Variants in XAGE2 observed in about 807,000 individuals in gnomAD.
XAGE2 encodes the protein X antigen family member 2, also known as G antigen family D member 3.
A neutral mutation model predicts 9.9 loss-of-function variants in XAGE2; 7 were observed. That is an observed-to-expected ratio of 0.71 (90% confidence interval 0.40 to 1.32). XAGE2 has a LOEUF of 1.32. Ranked by LOEUF, XAGE2 falls within the 40% of genes most tolerant of loss-of-function variation. The pLI is 0.01. For synonymous variants in XAGE2, 31 were observed against 26.8 expected (o/e 1.16, Z -0.48); for missense variants, 85 against 81.0 (o/e 1.05, Z -0.19).
chrX:52,372,429 T>C lies in XAGE2; in HGVS notation c.188-115T>C, dbSNP rs1390882195. The C allele has an allele frequency of 2.5e-5, 24 of 959,836 alleles. No homozygotes were observed. The Admixed American group carries it at 5.8e-4, about 23-fold the overall frequency. 79.1% of individuals were successfully genotyped at this position (959,836 alleles called of 1,213,427 possible). A position where few individuals can be genotyped will look rare whatever the true frequency, so the allele number is the denominator to read the frequency against. ...TGTGACAGCTTTGCATCACATTTAT[T>C]ATCACACTAGCCTACAGGCTTTTAT... On this transcript the variant is annotated intron_variant, in intron 3 of 4. Transcript: ENST00000286049.
At chrX:52,369,508 G>A (rs1341083347) in intron 1 of XAGE2, among the ~76,000 whole-genome samples, 1 of 110,471 alleles carries the variant, frequency 9.1e-6, no homozygotes, top group Non-Finnish European at 1.9e-5. Flanking sequence ...TGGTGACCGC[G>A]ACCCCGAGGT....
intron 3 of XAGE2, among the ~76,000 whole-genome samples, chrX:52,371,347 A>T (rs1351391275): frequency 8.9e-6 from 1 of 112,243 alleles, no homozygotes; most frequent in Non-Finnish European, 1.9e-5. Flanking sequence ...CAGGATAGCA[A>T]ATCCGGAAAA....
In XAGE2 at chrX:52,370,139, CT is replaced by C; in HGVS notation, c.81+48del. 7 of 1,160,480 alleles carry C rather than the reference CT, an allele frequency of 6.0e-6. No individual in the cohort carries two copies. The South Asian group carries it at 1.1e-4, about 18-fold the overall frequency. ...TGATGTTTTTTATTAGCAGAAATTTCTTTTGTGATAGTGTTGTTGAACTAGT... is the reference window on the plus strand; with the variant it reads ...TGATGTTTTTTATTAGCAGAAATTTCTTTGTGATAGTGTTGTTGAACTAGT... On this transcript the variant is annotated intron_variant, in intron 2 of 4. Coordinates refer to ENST00000286049, the MANE Select transcript of XAGE2 (RefSeq NM_130777.3).
intron 1 of XAGE2, 148 bp from the exon 2 acceptor site, chrX:52,369,859 A>T (rs1349160362): frequency 1.7e-6 from 1 of 596,040 alleles, no homozygotes. Context: ...GATTCAGAAG[A>T]TGTACACACT....
At chrX:52,370,752 A>G in intron 3 of XAGE2, 80 bp downstream of exon 3, 1 of 929,372 alleles carries the variant, frequency 1.1e-6, no homozygotes, top group Non-Finnish European at 1.5e-6. Flanking sequence ...ATGACCAGTA[A>G]TAGGAGGAAA....
At chrX:52,374,234 G>A (rs1193449069) in intron 4 of XAGE2, among the ~76,000 whole-genome samples, 1 of 111,266 alleles carries the variant, frequency 9.0e-6, no homozygotes, top group Non-Finnish European at 1.9e-5. Flanking sequence ...ACATTCTTTT[G>A]TTTTCTTTTG....
chrX:52,370,203 A>G, intron 2 of XAGE2, 108 bp downstream of exon 2: 3 of 811,109 alleles, frequency 3.7e-6, no homozygotes. Flanking sequence ...GTTGATAAAA[A>G]TGATCATGCA....
At chrX:52,375,494 T>A in intron 4 of XAGE2, 75 bp from the exon 5 acceptor site, 1 of 1,096,412 alleles carries the variant, frequency 9.1e-7, no homozygotes, top group East Asian at 3.0e-5. Context: ...AAAACTTTGG[T>A]GTCATTTGCA....
intron 2 of XAGE2, 109 bp from the exon 3 acceptor site, chrX:52,370,458 G>A: frequency 1.4e-6 from 1 of 695,320 alleles, no homozygotes; most frequent in Non-Finnish European, 2.3e-6. Flanking sequence ...AGTGTCTTTA[G>A]ACTTACTTGT....
At chrX:52,374,525 G>A (rs918917753) in intron 4 of XAGE2, among the ~76,000 whole-genome samples, 1 of 112,019 alleles carries the variant, frequency 8.9e-6, no homozygotes, top group Non-Finnish European at 1.9e-5. Context: ...GAGCCACCAC[G>A]CCCAGCTGAA....
intron 3 of XAGE2, among the ~76,000 whole-genome samples, chrX:52,372,258 G>A (rs892688188): frequency 1.8e-5 from 2 of 110,448 alleles, no homozygotes; most frequent in African/African-American, 3.3e-5. Context: ...CTCTCACAAG[G>A]CTGAGACAGG....
intron 4 of XAGE2, 134 bp downstream of exon 4, chrX:52,372,803 C>A: frequency 1.1e-6 from 1 of 890,531 alleles, no homozygotes; most frequent in Non-Finnish European, 1.6e-6. Context: ...AAAGGTACTT[C>A]AGATCCCAAT....
In XAGE2 at chrX:52,370,057, A is replaced by G; in HGVS notation, c.43A>G (p.Arg15Gly). The G allele has an allele frequency of 8.2e-7, 1 of 1,212,360 alleles. No individual in the cohort carries two copies. Residue 15 changes from arginine (R) to glycine (G), a missense_variant, in exon 2 of 5, where the codon AGA becomes GGA. Transcript: ENST00000286049. Reference protein sequence around the residue: ...GRSTYRPRPRRSLQPPELIGA... With the variant: ...GRSTYRPRPRGSLQPPELIGA... The stretch of plus-strand genomic sequence containing the variant: ...ATCAACATATAGGCCTAGGCCAAGA[A>G]GAAGTTTACAGCCTCCTGAGCTGAT...
chrX:52,375,528 G>T, intron 4 of XAGE2, 41 bp from the exon 5 acceptor site: 1 of 1,192,923 alleles, frequency 8.4e-7, no homozygotes, highest in Non-Finnish European at 1.1e-6. Context: ...TCTAAATACA[G>T]TTCTGCTAGT....
intron 4 of XAGE2, 45 bp from the exon 5 acceptor site, chrX:52,375,524 T>C: frequency 8.4e-7 from 1 of 1,189,337 alleles, no homozygotes; most frequent in South Asian, 1.8e-5. Context: ...GTGATCTAAA[T>C]ACAGTTCTGC....
chrX:52,369,398 G>A (rs1323742425), intron 1 of XAGE2, among the ~76,000 whole-genome samples, 184 bp downstream of exon 1: 1 of 110,886 alleles, frequency 9.0e-6, no homozygotes, highest in East Asian at 2.8e-4. Flanking sequence ...AAAGTGCCTG[G>A]AACTCCCAAT....
intron 4 of XAGE2, 129 bp downstream of exon 4, chrX:52,372,798 T>C: frequency 1.1e-6 from 1 of 918,173 alleles, no homozygotes; most frequent in African/African-American, 1.9e-5. Context: ...CTTTGAAAGG[T>C]ACTTCAGATC....
At chrX:52,375,031 A>G (rs1288613265) in intron 4 of XAGE2, among the ~76,000 whole-genome samples, 1 of 111,864 alleles carries the variant, frequency 8.9e-6, no homozygotes, top group African/African-American at 3.2e-5. Flanking sequence ...TAGAGGAAAA[A>G]ACAAATGCAA....
intron 2 of XAGE2, 55 bp from the exon 3 acceptor site, chrX:52,370,512 T>C: frequency 1.0e-6 from 1 of 974,218 alleles, no homozygotes; most frequent in Non-Finnish European, 1.5e-6. Context: ...ATTATTGACA[T>C]GTATTACTAA....
Sources: allele counts gnomAD v4.1 joint callset (sites outside exome capture counted in the v4.1 genomes callset), GRCh38; gene constraint gnomAD v4.1.1; transcripts MANE v1.5; gene names NCBI Gene and HGNC (gene_info 2026-07-23, HGNC 2026-07-21).